Variants in SUN2 observed in about 807,000 individuals in gnomAD.
The protein encoded by SUN2 is SUN domain-containing protein 2.
In SUN2, 60 loss-of-function variants were observed where a neutral mutation model predicts 100.0. That is an observed-to-expected ratio of 0.60 (90% CI 0.49 to 0.74). SUN2 has a LOEUF of 0.74. Ranked by LOEUF, SUN2 falls within the 30% of genes least tolerant of loss-of-function variation. The pLI is 0.00. For synonymous variants in SUN2, 367 were observed against 403.3 expected, an observed-to-expected ratio of 0.91 and a Z score of 1.08; for missense variants, 834 against 954.6, an observed-to-expected ratio of 0.87 and a Z score of 1.66.
rs534936816 is a variant in SUN2, at chr22:38,735,859, G to A, written c.*408C>T. The A allele has an allele frequency of 2.7e-4, 47 of 174,670 alleles. No homozygotes were observed. Among genetic ancestry groups the A allele is most frequent in the African/African-American group, 8.8e-4 (37 of 41,856 alleles). 10.8% of individuals were successfully genotyped at this position (174,670 alleles called of 1,614,324 possible). A position where few individuals can be genotyped will look rare whatever the true frequency, so the allele number is the denominator to read the frequency against. ...AGAGGGCCTCGCTTCCTTGCCCAGGGGCAGAGGCAGCTCACCTAGCCCAGG... is the reference window on the plus strand; with the variant it reads ...AGAGGGCCTCGCTTCCTTGCCCAGGAGCAGAGGCAGCTCACCTAGCCCAGG... On this transcript the variant is annotated 3_prime_UTR_variant, in exon 18 of 18. Transcript: ENST00000689035.
Position 38,739,810 on chromosome 22 carries a change from G to C in SUN2, c.1490C>G (p.Ala497Gly). 2.5e-6 allele frequency: 4 copies of C among 1,613,624 alleles called. No individual in the cohort carries two copies. Among genetic ancestry groups the C allele is most frequent in the Non-Finnish European group, 3.4e-6 (4 of 1,180,034 alleles). Reference sequence around the variant, plus strand: ...CCTGGCCGACTTGCCCTGCATCTCTGCCACATGGGTGAGGATCTTGCTCTC... The same window carrying C: ...CCTGGCCGACTTGCCCTGCATCTCTCCCACATGGGTGAGGATCTTGCTCTC... ...ELESKILTHV[A>G]EMQGKSAREA... is the part of the protein sequence containing the mutation. The change falls in exon 13 of 18, where the codon GCA becomes GGA. Residue 497 changes from alanine (A) to glycine (G), a missense_variant. Ala to Gly is a moderately conservative substitution (Grantham distance 60). Transcript: ENST00000689035. The surrounding 1 kb of genome is among the most constrained non-coding windows in gnomAD (Gnocchi z 6.7).
rs1266775366 is a variant in SUN2, at chr22:38,740,992, G to T, written c.1190+15C>A. On this transcript the variant is annotated intron_variant, in intron 11 of 17. Transcript: ENST00000689035. The surrounding 1 kb of genome is among the most constrained non-coding windows in gnomAD (Gnocchi z 4.8). ...GGGGAGGAGCAGGCCGAGGCCAGCT[G>T]GTGGCGCCCAGTACCTTTGCCACTC... The T allele has an allele frequency of 6.3e-7, 1 of 1,587,050 alleles. No individual in the cohort carries two copies. Among genetic ancestry groups the T allele is most frequent in the South Asian group, 1.1e-5 (1 of 87,090 alleles).
In SUN2 at chr22:38,739,043, C is replaced by T. The variant is rs183739049; in HGVS notation, c.1664-55G>A. ...TCCCGCACGGGAGGAGGGCCCCGCT[C>T]AGGCCATTGGCTGTCTCCTCGCTGA... On this transcript the variant is annotated intron_variant, in intron 14 of 17. Transcript: ENST00000689035. This position sits in a 1 kb window ranked among gnomAD's most constrained non-coding sequence, Gnocchi z 6.7. 3 of 1,527,532 alleles carry T rather than the reference C, an allele frequency of 2.0e-6. No homozygotes were observed. Among genetic ancestry groups the T allele is most frequent in the African/African-American group, 1.4e-5 (1 of 72,944 alleles). The allele number at this position is 1,527,532 out of a possible 1,614,324, so 94.6% of individuals were successfully genotyped here.
rs552959087 is a variant in SUN2 at position 38,735,361 on chromosome 22, C to T, written c.*906G>A. The stretch of plus-strand genomic sequence containing the variant: ...AGACCTCGCACCCCGATACCCTGAA[C>T]GTCCCCACAAGAGCCCAGGAGTTCC... On this transcript the variant is annotated 3_prime_UTR_variant, in exon 18 of 18. Coordinates refer to ENST00000689035, the MANE Select transcript of SUN2 (RefSeq NM_015374.3). 3.3e-5 allele frequency: 13 copies of T among 397,136 alleles called. No individual in the cohort carries two copies. Among genetic ancestry groups the T allele is most frequent in the African/African-American group, 1.3e-4 (6 of 47,626 alleles). 24.6% of individuals were successfully genotyped at this position (397,136 alleles called of 1,614,324 possible). A position where few individuals can be genotyped will look rare whatever the true frequency, so the allele number is the denominator to read the frequency against.
chr22:38,739,747 T>C lies in SUN2; in HGVS notation c.1553A>G (p.Glu518Gly), dbSNP rs1417867039. The stretch of plus-strand genomic sequence containing the variant: ...CTCCTCTGTCACTCCAATCACACCT[T>C]CTTTCTGCAGCGTCAGGCTCAGGGA... ...AASLSLTLQKEGVIGVTEEQV... is the reference protein window; with the variant it reads ...AASLSLTLQKGGVIGVTEEQV... The change falls in exon 13 of 18, where the codon GAA becomes GGA. Residue 518 changes from glutamate to glycine, a missense_variant. Physicochemically the swap from Glu to Gly is moderately conservative, Grantham distance 98. Coordinates refer to ENST00000689035, the MANE Select transcript of SUN2 (RefSeq NM_015374.3). This position sits in a 1 kb window ranked among gnomAD's most constrained non-coding sequence, Gnocchi z 6.7. 1.9e-6 allele frequency: 3 copies of C among 1,613,536 alleles called. No homozygotes were observed. The African/African-American group carries it at 4.0e-5, about 22-fold the overall frequency.
At chr22:38,745,337 A>C (rs2092895197) in intron 8 of SUN2, among the ~76,000 whole-genome samples, 1 of 152,112 alleles carries the variant, frequency 6.6e-6, no homozygotes, top group Non-Finnish European at 1.5e-5. Flanking sequence ...GACCAGAAAG[A>C]CCACCCAGAC....
rs1433226378 is a variant in SUN2 at position 38,738,303 on chromosome 22, G to A, written c.1948-38C>T. ...CGGAGGGAAGTGGGGAGGGGCTGGA[G>A]CAGGGAGAACACCCCTCCCCACTCC... On this transcript the variant is annotated intron_variant, in intron 16 of 17. Transcript: ENST00000689035. The surrounding 1 kb of genome is among the most constrained non-coding windows in gnomAD (Gnocchi z 6.6). 3 of 1,562,452 alleles carry A rather than the reference G, an allele frequency of 1.9e-6. No homozygotes were observed. The highest frequency in any genetic ancestry group is 2.7e-5 in the African/African-American group (2 of 74,018).
At chr22:38,752,964 C>G (rs2092958558) in intron 1 of SUN2, among the ~76,000 whole-genome samples, 1 of 152,322 alleles carries the variant, frequency 6.6e-6, no homozygotes, top group Non-Finnish European at 1.5e-5. Flanking sequence ...TGTCTTTATC[C>G]TTCATGGTGC....
intron 2 of SUN2, among the ~76,000 whole-genome samples, chr22:38,752,191 G>C (rs1035462034): frequency 6.6e-6 from 1 of 152,146 alleles, no homozygotes; most frequent in Non-Finnish European, 1.5e-5. Context: ...GTCAGGGTCA[G>C]GTGATCCACC....
chr22:38,750,314 G>A lies in SUN2; in HGVS notation c.431C>T (p.Ser144Leu), dbSNP rs143710758. ...YSSEDDYVGYSDVDQQSSSSR... is the reference protein window; with the variant it reads ...YSSEDDYVGYLDVDQQSSSSR... ...GCTGGAACTCTGCTGGTCCACATCCGAGTAGCCTGCGGGGAACGAGGACAC... is the reference window on the plus strand; with the variant it reads ...GCTGGAACTCTGCTGGTCCACATCCAAGTAGCCTGCGGGGAACGAGGACAC... The change falls in exon 5 of 18, where the codon TCG becomes TTG. Residue 144 changes from serine to leucine, a missense_variant. By Grantham distance (145) the Ser-to-Leu change is moderately radical. Coordinates refer to ENST00000689035, the MANE Select transcript of SUN2 (RefSeq NM_015374.3). 3.8e-4 allele frequency: 611 copies of A among 1,613,818 alleles called. No homozygotes were observed. The highest frequency in any genetic ancestry group is 4.9e-4 in the Non-Finnish European group (582 of 1,180,028).
Position 38,750,244 on chromosome 22 carries a change from C to G in SUN2, c.501G>C (p.Trp167Cys). 6.2e-7 allele frequency: 1 copy of G among 1,612,730 alleles called. No individual in the cohort carries two copies. Among genetic ancestry groups the G allele is most frequent in the East Asian group, 2.2e-5 (1 of 44,832 alleles). The change falls in exon 5 of 18, where the codon TGG (tryptophan) becomes TGC (cysteine). Residue 167 changes from tryptophan to cysteine, a missense_variant. Physicochemically the swap from Trp to Cys is radical, Grantham distance 215 (BLOSUM62 -2). Coordinates refer to ENST00000689035, the MANE Select transcript of SUN2 (RefSeq NM_015374.3). ...GCCCACCTGGCGAAGTGGCCACCAT[C>G]CAGAGTAAGGAGCCCGCCCGTGAGA... ...SAVSRAGSLL[W>C]MVATSPGRLF...
At chr22:38,741,385 C>A in intron 10 of SUN2, 109 bp downstream of exon 10, 3 of 1,143,376 alleles carry the variant, frequency 2.6e-6, no homozygotes, top group East Asian at 2.4e-5. Flanking sequence ...ACTCCCCTCC[C>A]CATGCAACAC....
chr22:38,734,985 G>C lies in SUN2; in HGVS notation c.*1282C>G. The C allele has an allele frequency of 3.4e-6, 1 of 293,184 alleles. No homozygotes were observed. Among genetic ancestry groups the C allele is most frequent in the Non-Finnish European group, 6.7e-6 (1 of 148,584 alleles). The allele number at this position is 293,184 out of a possible 1,614,324, so 18.2% of individuals were successfully genotyped here. A position where few individuals can be genotyped will look rare whatever the true frequency, so the allele number is the denominator to read the frequency against. On this transcript the variant is annotated 3_prime_UTR_variant, in exon 18 of 18. Transcript: ENST00000689035. ...GCAGCCAGACCACCAGACACAGCCGGAACCAGTGCCCCAGGCCCCTCTCCA... is the reference window on the plus strand; with the variant it reads ...GCAGCCAGACCACCAGACACAGCCGCAACCAGTGCCCCAGGCCCCTCTCCA...
Position 38,752,773 on chromosome 22 carries a change from C to T in SUN2, c.-37-108G>A, listed in dbSNP as rs2092956787. On this transcript the variant is annotated intron_variant, in intron 1 of 17. Coordinates refer to ENST00000689035, the MANE Select transcript of SUN2 (RefSeq NM_015374.3). ...CGCCTCACAGCCGAGAACAGACCACCCCCCCGGCCCCCGGCCCCCGGCGTT... is the reference window on the plus strand; with the variant it reads ...CGCCTCACAGCCGAGAACAGACCACTCCCCCGGCCCCCGGCCCCCGGCGTT... 4.7e-6 allele frequency: 6 copies of T among 1,280,810 alleles called. No individual in the cohort carries two copies. The East Asian group carries it at 7.7e-5, about 17-fold the overall frequency. The allele number at this position is 1,280,810 out of a possible 1,614,324, so 79.3% of individuals were successfully genotyped here. A position where few individuals can be genotyped will look rare whatever the true frequency, so the allele number is the denominator to read the frequency against.
Position 38,736,210 on chromosome 22 carries a change from G to A in SUN2, c.*57C>T, listed in dbSNP as rs1033817079. 1.3e-5 allele frequency: 20 copies of A among 1,509,052 alleles called. No individual in the cohort carries two copies. Among genetic ancestry groups the A allele is most frequent in the Non-Finnish European group, 1.6e-5 (17 of 1,089,120 alleles). The allele number at this position is 1,509,052 out of a possible 1,614,324, so 93.5% of individuals were successfully genotyped here. A position where few individuals can be genotyped will look rare whatever the true frequency, so the allele number is the denominator to read the frequency against. Reference sequence around the variant, plus strand: ...CGCCGAGCAAGCGTGTGGGGGAAGCGGCGGGGTGCTGTTCACCCACTCCCA... The same window carrying A: ...CGCCGAGCAAGCGTGTGGGGGAAGCAGCGGGGTGCTGTTCACCCACTCCCA... On this transcript the variant is annotated 3_prime_UTR_variant, in exon 18 of 18. Coordinates refer to ENST00000689035, the MANE Select transcript of SUN2 (RefSeq NM_015374.3).
intron 6 of SUN2, 58 bp downstream of exon 6, chr22:38,749,708 A>G: frequency 6.7e-7 from 1 of 1,490,902 alleles, no homozygotes; most frequent in Non-Finnish European, 9.3e-7. Context: ...GACACACTTT[A>G]CCCGTCCCTT....
chr22:38,745,838 C>T (rs1264997276), intron 7 of SUN2, 27 bp from the exon 8 acceptor site: 1 of 1,608,962 alleles, frequency 6.2e-7, no homozygotes, highest in East Asian at 2.2e-5. Context: ...GGGTGTTACC[C>T]CAGCTGGGCC....
At position 38,735,561 on chromosome 22, in the gene SUN2, C is replaced by T. The variant is rs146613660; in HGVS notation, c.*706G>A. ...CATCAGGAGAGAGAAAAGCAACTACCGTCCCCAGCAGAGGGGAAGCCTACA... is the reference window on the plus strand; with the variant it reads ...CATCAGGAGAGAGAAAAGCAACTACTGTCCCCAGCAGAGGGGAAGCCTACA... On this transcript the variant is annotated 3_prime_UTR_variant, in exon 18 of 18. Coordinates refer to ENST00000689035, the MANE Select transcript of SUN2 (RefSeq NM_015374.3). The T allele has an allele frequency of 2.8e-3, 645 of 230,028 alleles. 5 individuals carry two copies. Among genetic ancestry groups the T allele is most frequent in the African/African-American group, 0.014 (593 of 43,280 alleles). The allele number at this position is 230,028 out of a possible 1,614,324, so 14.2% of individuals were successfully genotyped here.
Position 38,738,703 on chromosome 22 carries a change from C to A in SUN2, c.1831G>T (p.Ala611Ser). 1 of 1,613,668 alleles carries A rather than the reference C, an allele frequency of 6.2e-7. No individual in the cohort carries two copies. The highest frequency in any genetic ancestry group is 8.5e-7 in the Non-Finnish European group (1 of 1,179,994). Residue 611 changes from alanine (A) to serine (S), a missense_variant, in exon 16 of 18, where the codon GCC becomes TCC. Coordinates refer to ENST00000689035, the MANE Select transcript of SUN2 (RefSeq NM_015374.3). This position sits in a 1 kb window ranked among gnomAD's most constrained non-coding sequence, Gnocchi z 6.6. ...CWAFQGPQGF[A>S]VVRLSARIRP... is the part of the protein sequence containing the mutation. ...ATGCGGGCAGAGAGGCGGACCACGG[C>A]GAAGCCTTGTGGCCCCTGGAAGGCC... is the stretch of plus-strand genomic sequence containing the variant.
Sources: gnomAD v4.1 joint callset for allele counts (sites outside exome capture counted in the v4.1 genomes callset) on GRCh38, gnomAD v4.1.1 for gene constraint, Gnocchi (gnomAD v3.1) non-coding constraint, MANE v1.5 for transcripts, NCBI Gene and HGNC (gene_info 2026-07-23, HGNC 2026-07-21) for gene names.